The following GRM7 variants were observed in gnomAD, a reference collection of about 807,000 sequenced individuals.
GRM7 encodes metabotropic glutamate receptor 7.
GRM7 carries 35 observed loss-of-function variants against 84.5 expected under a neutral mutation model. The ratio of observed to expected loss-of-function variants is 0.41; its 90% CI spans 0.32 to 0.55. The LOEUF is 0.55. GRM7 is among the 20% of genes least tolerant of loss of function. GRM7 has a pLI of 0.19. For synonymous variants in GRM7, 487 were observed against 455.1 expected (o/e 1.07, Z -0.89); for missense variants, 1,003 against 1,194.6 (o/e 0.84, Z 2.36).
chr3:7,385,522 G>A (rs184833590), intron 4 of GRM7, among the ~76,000 whole-genome samples: 35 of 151,800 alleles, frequency 2.3e-4, no homozygotes, highest in Non-Finnish European at 4.4e-5. Flanking sequence ...GGATGGTCTC[G>A]ATCTCCTGAC....
At chr3:7,099,183 CATAT>C (rs112788452) in intron 1 of GRM7, among the ~76,000 whole-genome samples, 1 of 146,502 alleles carries the variant, frequency 6.8e-6, no homozygotes, top group Non-Finnish European at 1.5e-5. Flanking sequence ...GGTTTAATTG[CATAT>C]ATATATATAC....
Position 7,139,176 on chromosome 3 carries a change from G to T in GRM7, c.520-7276G>T, listed in dbSNP as rs958682684. On this transcript the variant is annotated intron_variant, in intron 1 of 9. Coordinates refer to ENST00000357716, the MANE Select transcript of GRM7 (RefSeq NM_000844.4). ...AAAGGATTAAAGGCTATAGGTATTT[G>T]ATTTTCTTAATTGGTAAAGAGAGAA... Among the ~76,000 whole-genome samples the T allele has an allele frequency of 6.7e-5, 10 of 149,948 alleles. No homozygotes were observed. The South Asian group carries it at 1.9e-3, about 28-fold the overall frequency.
chr3:7,682,365 A>T (rs867576961), intron 9 of GRM7: 5 of 138,002 alleles, frequency 3.6e-5, no homozygotes, highest in African/African-American at 5.6e-5. Context: ...AAGAAAAAGA[A>T]AAAAAAGAGA....
rs569774554 is a variant in GRM7 at position 7,278,492 on chromosome 3, A to G, written c.737-20192A>G. 1.8e-4 allele frequency among the ~76,000 whole-genome samples: 28 copies of G among 152,230 alleles called. No homozygotes were observed. The South Asian group carries it at 5.2e-3, about 28-fold the overall frequency. ...GTTCTTATCCTTAAGAGCAAAGACTATCTTGTTTCCTTTCTTGTACATTTT... is the reference window on the plus strand; with the variant it reads ...GTTCTTATCCTTAAGAGCAAAGACTGTCTTGTTTCCTTTCTTGTACATTTT... On this transcript the variant is annotated intron_variant, in intron 2 of 9. Coordinates refer to ENST00000357716, the MANE Select transcript of GRM7 (RefSeq NM_000844.4).
chr3:7,150,525 C>T (rs78027613), intron 2 of GRM7, among the ~76,000 whole-genome samples: 2,914 of 152,192 alleles, frequency 0.019, 88 homozygotes, highest in African/African-American at 0.066. Flanking sequence ...AAGTAGAGTC[C>T]GGCAGATTTA....
chr3:7,367,211 A>T (rs1000443469), intron 4 of GRM7, among the ~76,000 whole-genome samples: 2 of 134,766 alleles, frequency 1.5e-5, no homozygotes, highest in Non-Finnish European at 3.2e-5. Flanking sequence ...AGAAGGATCA[A>T]GAATAAAATG....
chr3:7,731,832 T>C (rs942705427), intron 9 of GRM7, among the ~76,000 whole-genome samples: 8 of 152,174 alleles, frequency 5.3e-5, no homozygotes, highest in African/African-American at 1.7e-4. Context: ...CCCACTCTTG[T>C]GGCCCCACCC....
chr3:7,107,606 C>A (rs1243696429), intron 1 of GRM7, among the ~76,000 whole-genome samples: 2 of 151,962 alleles, frequency 1.3e-5, no homozygotes, highest in Non-Finnish European at 2.9e-5. Context: ...TCCAGTAGAG[C>A]AAGTGGTTTT....
intron 1 of GRM7, among the ~76,000 whole-genome samples, chr3:7,058,531 AT>A (rs781143656): frequency 2.0e-5 from 3 of 151,932 alleles, no homozygotes; most frequent in Admixed American, 6.6e-5. Flanking sequence ...GTTTATGTTC[AT>A]TAATATATTA....
chr3:7,571,438 A>G (rs1038540655), intron 7 of GRM7, among the ~76,000 whole-genome samples: 5 of 152,150 alleles, frequency 3.3e-5, no homozygotes, highest in Admixed American at 6.5e-5. Flanking sequence ...TCAAAGTTCC[A>G]CAAATCTCTA....
chr3:7,656,517 A>AT (rs756690058), intron 8 of GRM7, among the ~76,000 whole-genome samples: 8 of 92,782 alleles, frequency 8.6e-5, no homozygotes, highest in Admixed American at 3.7e-4. Flanking sequence ...AAACAAATAA[A>AT]AAAAAATATA....
chr3:7,365,242 A>G (rs1052202395), intron 4 of GRM7, among the ~76,000 whole-genome samples: 5 of 151,778 alleles, frequency 3.3e-5, no homozygotes, highest in African/African-American at 9.7e-5. Flanking sequence ...TGATTTCTCT[A>G]TAAGAAAGAC....
In GRM7 at chr3:6,863,734, G is replaced by A. The variant is rs187274329; in HGVS notation, c.519+1827G>A. Among the ~76,000 whole-genome samples the A allele has an allele frequency of 2.8e-3, 419 of 152,280 alleles. 4 individuals are homozygous for A. Among genetic ancestry groups the A allele is most frequent in the Middle Eastern group, 0.01 (3 of 294 alleles). On this transcript the variant is annotated intron_variant, in intron 1 of 9. Coordinates refer to ENST00000357716, the MANE Select transcript of GRM7 (RefSeq NM_000844.4). The surrounding 1 kb of genome is among the most constrained non-coding windows in gnomAD (Gnocchi z 4.8). ...GAGACATTACCTGAGAACCACTGGGGGCTGGGGTAGGTTACAGTGTTTTCC... is the reference window on the plus strand; with the variant it reads ...GAGACATTACCTGAGAACCACTGGGAGCTGGGGTAGGTTACAGTGTTTTCC...
At chr3:7,642,833 T>G (rs1408445487) in intron 8 of GRM7, among the ~76,000 whole-genome samples, 1 of 152,172 alleles carries the variant, frequency 6.6e-6, no homozygotes, top group Non-Finnish European at 1.5e-5. Context: ...TTCTCATGTA[T>G]GAGAACATGA....
rs543997935 is a variant in GRM7 at position 7,610,191 on chromosome 3, A to G, written c.2451+30834A>G. Among the ~76,000 whole-genome samples, 5 of 152,330 alleles carry G rather than the reference A, an allele frequency of 3.3e-5. No individual in the cohort carries two copies. In the East Asian group the frequency reaches 9.6e-4, roughly 29 times the overall value. ...ACTTAAACTTTAAGTCTACAGCAGC[A>G]TAGGACTTTAATCCTTAGCGGTCCA... On this transcript the variant is annotated intron_variant, in intron 8 of 9. Transcript: ENST00000357716.
intron 8 of GRM7, among the ~76,000 whole-genome samples, chr3:7,584,876 C>G (rs62235187): frequency 6.6e-6 from 1 of 151,810 alleles, no homozygotes; most frequent in Non-Finnish European, 1.5e-5. Context: ...ATAACATTGC[C>G]GACTATTTAA....
intron 5 of GRM7, among the ~76,000 whole-genome samples, chr3:7,433,153 A>C (rs1696899596): frequency 6.6e-6 from 1 of 152,208 alleles, no homozygotes; most frequent in African/African-American, 2.4e-5. Context: ...GCCAGGTGGC[A>C]GTCTCATCTT....
chr3:7,553,996 C>A (rs1464913842), intron 7 of GRM7, among the ~76,000 whole-genome samples: 1 of 152,116 alleles, frequency 6.6e-6, no homozygotes, highest in African/African-American at 2.4e-5. Flanking sequence ...TGGGGGGTAG[C>A]TCCATAGGGC....
chr3:6,986,077 G>A (rs539014322), intron 1 of GRM7, among the ~76,000 whole-genome samples: 7 of 152,134 alleles, frequency 4.6e-5, no homozygotes, highest in South Asian at 4.1e-4. Context: ...ATGAAGTTTC[G>A]GTAATACAGG....
Sources: allele counts gnomAD v4.1 joint callset (sites outside exome capture counted in the v4.1 genomes callset), GRCh38; gene constraint gnomAD v4.1.1; non-coding constraint Gnocchi (gnomAD v3.1); transcripts MANE v1.5; gene names NCBI Gene and HGNC (gene_info 2026-07-23, HGNC 2026-07-21).